Variants in SLC25A35 observed in about 807,000 individuals in gnomAD.
The protein encoded by SLC25A35 is solute carrier family 25 member 35, also known as solute carrier family 25, member 35.
Under a neutral mutation model 30.5 loss-of-function variants are expected in SLC25A35, and 32 were observed. The ratio of observed to expected loss-of-function variants is 1.05; its 90% confidence interval spans 0.79 to 1.41. SLC25A35 has a LOEUF of 1.41. SLC25A35 is among the 40% of genes most tolerant of loss of function. The pLI, the probability that SLC25A35 is intolerant of heterozygous loss-of-function variation, is 0.00. For synonymous variants in SLC25A35, 142 were observed against 158.1 expected (o/e 0.90, Z 0.77); for missense variants, 369 against 388.0 (o/e 0.95, Z 0.41).
At chr17:8,288,786 C>T (rs1197568871), downstream of SLC25A35, 2 of 1,614,090 alleles carry the variant, frequency 1.2e-6, no homozygotes, top group South Asian at 2.2e-5. Context: ...CAGCCTCAGA[C>T]CCATGGAGCC....
Position 8,295,113 on chromosome 17 carries a change from C to T in SLC25A35, c.-306G>A. On this transcript the variant is annotated 5_prime_UTR_variant, in exon 1 of 5. Transcript: ENST00000577745. ...AGACAGAAGGTTGCAGGTGGGATGGCTCAGGATGGCGGGCGACGGGAGCAC... is the reference window on the plus strand; with the variant it reads ...AGACAGAAGGTTGCAGGTGGGATGGTTCAGGATGGCGGGCGACGGGAGCAC... 1 of 1,109,474 alleles carries T rather than the reference C, an allele frequency of 9.0e-7. No individual in the cohort carries two copies. Among genetic ancestry groups the T allele is most frequent in the Non-Finnish European group, 1.1e-6 (1 of 908,178 alleles). The allele number at this position is 1,109,474 out of a possible 1,614,324, so 68.7% of individuals were successfully genotyped here. A position where few individuals can be genotyped will look rare whatever the true frequency, so the allele number is the denominator to read the frequency against.
chr17:8,293,090 G>A (rs561288236), intron 1 of SLC25A35, among the ~76,000 whole-genome samples: 51 of 152,300 alleles, frequency 3.3e-4, no homozygotes, highest in East Asian at 1.9e-4. Flanking sequence ...AGACCAGACT[G>A]CCTCTGCTAC....
At position 8,291,427 on chromosome 17, in the gene SLC25A35, C is replaced by T. The variant is rs150820162; in HGVS notation, c.500G>A (p.Arg167His). Residue 167 changes from arginine to histidine, a missense_variant, in exon 3 of 5, where the codon CGT (arginine) becomes CAT (histidine). Transcript: ENST00000577745. The part of the protein sequence containing the change: ...GQKHGLVGLW[R>H]GALGGLPRVI... ...TCGGGGCAGGCCGCCCAGAGCCCCA[C>T]GCCATAACCCCACCAGACCATGTTT... 4.5e-5 allele frequency: 72 copies of T among 1,614,072 alleles called. No individual in the cohort carries two copies. Among genetic ancestry groups the T allele is most frequent in the Non-Finnish European group, 5.7e-5 (67 of 1,180,036 alleles).
intron 1 of SLC25A35, 81 bp downstream of exon 1, chr17:8,294,352 C>T: frequency 6.9e-7 from 1 of 1,452,378 alleles, no homozygotes. Flanking sequence ...CACTCTGCCA[C>T]CTATGCCCTT....
downstream of SLC25A35, chr17:8,288,855 A>G (rs371469933): frequency 2.2e-5 from 36 of 1,614,058 alleles, no homozygotes; most frequent in Non-Finnish European, 2.7e-5. Context: ...CATGGGGGCC[A>G]TTGACGTAAG....
downstream of SLC25A35, chr17:8,289,654 C>G: frequency 6.2e-7 from 1 of 1,605,230 alleles, no homozygotes; most frequent in Non-Finnish European, 8.5e-7. Flanking sequence ...CTGGGAGGGA[C>G]AGAACAGGGA....
Position 8,295,292 on chromosome 17 carries a change from C to G in SLC25A35, c.-485G>C. The stretch of plus-strand genomic sequence containing the variant: ...TCTCGATCCGAGAAAGAAGTCAGGA[C>G]TCTGGCCAGGAATGAGCGTCCCTGA... On this transcript the variant is annotated 5_prime_UTR_variant, in exon 1 of 5. Coordinates refer to ENST00000577745, the MANE Select transcript of SLC25A35 (RefSeq NM_001320870.2). 1.0e-6 allele frequency: 1 copy of G among 987,474 alleles called. No homozygotes were observed. 61.2% of individuals were successfully genotyped at this position (987,474 alleles called of 1,614,324 possible).
chr17:8,289,492 G>A, downstream of SLC25A35: 2 of 1,614,184 alleles, frequency 1.2e-6, no homozygotes, highest in Non-Finnish European at 1.7e-6. Context: ...TCCTGACTCT[G>A]ATCCCCTTAG....
At chr17:8,289,202 T>A, downstream of SLC25A35, 1 of 1,606,138 alleles carries the variant, frequency 6.2e-7, no homozygotes. Flanking sequence ...AACTTAAAGA[T>A]GCTCCCGGGG....
Position 8,290,358 on chromosome 17 carries a change from A to T in SLC25A35, c.*147T>A. 2 of 1,444,970 alleles carry T rather than the reference A, an allele frequency of 1.4e-6. No individual in the cohort carries two copies. Among genetic ancestry groups the T allele is most frequent in the South Asian group, 2.9e-5 (2 of 68,498 alleles). The allele number at this position is 1,444,970 out of a possible 1,614,324, so 89.5% of individuals were successfully genotyped here. ...GAAGGGAAACTCATCTCTTGTAGTG[A>T]TTCAACCCTGAGAACAGATGGGGAG... On this transcript the variant is annotated 3_prime_UTR_variant, in exon 5 of 5. Coordinates refer to ENST00000577745, the MANE Select transcript of SLC25A35 (RefSeq NM_001320870.2).
rs752132847 is a variant in SLC25A35 at position 8,292,544 on chromosome 17, T to C, written c.420A>G (p.Val140=). 1.9e-6 allele frequency: 3 copies of C among 1,614,080 alleles called. No homozygotes were observed. In the Middle Eastern group the frequency reaches 5.0e-4, roughly 266 times the overall value. The change falls in exon 2 of 5, where the codon GTA becomes GTG. Residue 140 remains valine (V), a synonymous_variant. Coordinates refer to ENST00000577745, the MANE Select transcript of SLC25A35 (RefSeq NM_001320870.2). ...LQAQAASEIA[V]GHQYKHQGMF... is the part of the protein sequence containing the mutation. ...TCACCTGATGCTTATACTGGTGCCC[T>C]ACAGCAATTTCTGAGGCTGCCTGTG...
At chr17:8,293,718 A>T (rs1455460563) in intron 1 of SLC25A35, among the ~76,000 whole-genome samples, 1 of 149,430 alleles carries the variant, frequency 6.7e-6, no homozygotes, top group East Asian at 2.0e-4. Flanking sequence ...CGCCCGGCTA[A>T]TTTTTTGTAT....
chr17:8,289,191 C>T (rs372709645), downstream of SLC25A35: 4 of 1,603,498 alleles, frequency 2.5e-6, no homozygotes, highest in East Asian at 6.7e-5. Context: ...GCCAGGCCTG[C>T]AACTTAAAGA....
Position 8,292,570 on chromosome 17 carries a change from C to A in SLC25A35, c.394G>T (p.Ala132Ser), listed in dbSNP as rs757049111. 1 of 1,613,972 alleles carries A rather than the reference C, an allele frequency of 6.2e-7. No individual in the cohort carries two copies. The highest frequency in any genetic ancestry group is 1.3e-5 in the African/African-American group (1 of 74,888). ...ACAGCAATTTCTGAGGCTGCCTGTG[C>A]CTGCAGGTGTGTCTTCACCTGGGAA... ...PIYMVKTHLQ[A>S]QAASEIAVGH... Residue 132 changes from alanine (A) to serine (S), a missense_variant, in exon 2 of 5, where the codon GCA becomes TCA. Coordinates refer to ENST00000577745, the MANE Select transcript of SLC25A35 (RefSeq NM_001320870.2).
chr17:8,290,286 T>C lies in SLC25A35; in HGVS notation c.*219A>G. On this transcript the variant is annotated 3_prime_UTR_variant, in exon 5 of 5. Transcript: ENST00000577745. The stretch of plus-strand genomic sequence containing the variant: ...TTCAGCCCTGAGAGAGGGGTGTGAG[T>C]TACCCAGGGAATGGGTAGGGAAGGT... 1 of 1,426,050 alleles carries C rather than the reference T, an allele frequency of 7.0e-7. No homozygotes were observed. Among genetic ancestry groups the C allele is most frequent in the Non-Finnish European group, 9.1e-7 (1 of 1,095,576 alleles). 88.3% of individuals were successfully genotyped at this position (1,426,050 alleles called of 1,614,324 possible). A position where few individuals can be genotyped will look rare whatever the true frequency, so the allele number is the denominator to read the frequency against.
chr17:8,291,300 C>A, intron 3 of SLC25A35, 33 bp downstream of exon 3: 1 of 1,610,804 alleles, frequency 6.2e-7, no homozygotes. Context: ...TCCCCCCTTC[C>A]CGAAACAGAC....
rs1567659156 is a variant in SLC25A35 at position 8,290,504 on chromosome 17, G to C, written c.*1C>G. The stretch of plus-strand genomic sequence containing the variant: ...TTTGGTGGAGACTGGGAAAGCGGCT[G>C]TTATTTAGTGTCTGTGTAGTAGAGG... On this transcript the variant is annotated 3_prime_UTR_variant, in exon 5 of 5. Coordinates refer to ENST00000577745, the MANE Select transcript of SLC25A35 (RefSeq NM_001320870.2). The C allele has an allele frequency of 1.3e-6, 2 of 1,535,738 alleles. No individual in the cohort carries two copies. Among genetic ancestry groups the C allele is most frequent in the East Asian group, 2.4e-5 (1 of 40,932 alleles).
downstream of SLC25A35, chr17:8,290,000 G>T: frequency 6.2e-7 from 1 of 1,609,972 alleles, no homozygotes; most frequent in Non-Finnish European, 8.5e-7. Flanking sequence ...AGGGGGAAAA[G>T]AGGTTGAAAA....
downstream of SLC25A35, chr17:8,289,770 G>C (rs946931776): frequency 3.7e-6 from 6 of 1,613,684 alleles, no homozygotes; most frequent in Non-Finnish European, 5.1e-6. Flanking sequence ...CCAAACCTCA[G>C]GCCTGGATGA....
Sources: allele counts gnomAD v4.1 joint callset (sites outside exome capture counted in the v4.1 genomes callset), GRCh38; gene constraint gnomAD v4.1.1; transcripts MANE v1.5; gene names NCBI Gene and HGNC (gene_info 2026-07-23, HGNC 2026-07-21).